ATG4A: variants seen among roughly 807,000 people sequenced by gnomAD.
The protein encoded by ATG4A is autophagy related 4A cysteine peptidase.
Under a neutral mutation model 38.4 loss-of-function variants are expected in ATG4A, and 22 were observed. The observed-to-expected ratio is 0.57, with a 90% CI of 0.41 to 0.82. The LOEUF (loss-of-function observed/expected upper bound fraction) is 0.82. Among genes scored for constraint, ATG4A ranks in the 40% least tolerant of loss-of-function variants. The pLI is 0.00. For missense variants in ATG4A, 220 were observed against 290.0 expected, an observed-to-expected ratio of 0.76 and a Z score of 1.75; for synonymous variants, 86 against 100.7, an observed-to-expected ratio of 0.85 and a Z score of 0.88.
At chrX:108,141,087 T>C (rs1435822333) in intron 9 of ATG4A, among the ~76,000 whole-genome samples, 1 of 78,130 alleles carries the variant, frequency 1.3e-5, no homozygotes, top group Non-Finnish European at 2.4e-5. Flanking sequence ...TATATATATA[T>C]ATATATATAT....
At chrX:108,144,522 G>A (rs112277313) in intron 9 of ATG4A, among the ~76,000 whole-genome samples, 133 of 111,989 alleles carry the variant, frequency 1.2e-3, no homozygotes, top group African/African-American at 3.9e-3. Context: ...TGCTGAACCC[G>A]TGTGTAACCT....
intron 1 of ATG4A, among the ~76,000 whole-genome samples, chrX:108,113,994 A>G (rs1423716929): frequency 2.7e-5 from 3 of 112,170 alleles, no homozygotes; most frequent in Non-Finnish European, 5.6e-5. Context: ...CTAGAGATGC[A>G]TCTAAAAGTT....
At chrX:108,092,004 G>C (rs1004548170) in intron 1 of ATG4A, 168 bp downstream of exon 1, 170 of 876,300 alleles carry the variant, frequency 1.9e-4, no homozygotes, top group Non-Finnish European at 2.5e-4. Context: ...AGGCGGAAGG[G>C]ACAAGGGTTG....
At chrX:108,097,815 A>G (rs754295988) in intron 1 of ATG4A, among the ~76,000 whole-genome samples, 2 of 112,274 alleles carry the variant, frequency 1.8e-5, no homozygotes, top group South Asian at 7.4e-4. Context: ...AGCACTTACT[A>G]AATAAGGTTC....
chrX:108,101,059 T>G (rs12009845), intron 1 of ATG4A, among the ~76,000 whole-genome samples: 44,108 of 109,559 alleles, frequency 0.4, 6,975 homozygotes, highest in Non-Finnish European at 0.47. Flanking sequence ...TTTTTGAGTT[T>G]TAAAATTATA....
At chrX:108,095,418 C>G (rs1306053028) in intron 1 of ATG4A, among the ~76,000 whole-genome samples, 1 of 111,356 alleles carries the variant, frequency 9.0e-6, no homozygotes, top group Non-Finnish European at 1.9e-5. Flanking sequence ...GATACAGGGT[C>G]TCACTATGTT....
intron 9 of ATG4A, among the ~76,000 whole-genome samples, chrX:108,148,521 C>T (rs1229856279): frequency 1.0e-5 from 1 of 98,637 alleles, no homozygotes. Flanking sequence ...TGCACATACA[C>T]ACACACACAC....
chrX:108,131,531 AG>A (rs2032954308), intron 4 of ATG4A, among the ~76,000 whole-genome samples, 173 bp downstream of exon 4: 2 of 112,221 alleles, frequency 1.8e-5, no homozygotes, highest in Admixed American at 1.9e-4. Context: ...GCCCCTCATA[AG>A]AAGGAAACAG....
chrX:108,091,291 G>A, upstream of ATG4A: 1 of 659,625 alleles, frequency 1.5e-6, no homozygotes, highest in Non-Finnish European at 2.4e-6. Context: ...GCTTGGGGCG[G>A]CGGGGGCGGG....
chrX:108,141,076 A>ATACG (rs1215465978), intron 9 of ATG4A, among the ~76,000 whole-genome samples: 1 of 29,551 alleles, frequency 3.4e-5, no homozygotes, highest in Admixed American at 6.8e-4. Flanking sequence ...ATATACATAT[A>ATACG]TATATATATA....
intron 9 of ATG4A, among the ~76,000 whole-genome samples, chrX:108,144,026 A>G (rs1602672598): frequency 8.9e-6 from 1 of 112,605 alleles, no homozygotes; most frequent in African/African-American, 3.2e-5. Context: ...AGTGAATTCC[A>G]TGAGAATGAG....
intron 1 of ATG4A, among the ~76,000 whole-genome samples, chrX:108,105,531 CTA>C (rs1451306724): frequency 1.8e-5 from 2 of 111,069 alleles, no homozygotes; most frequent in African/African-American, 6.6e-5. Context: ...GAGACCTATA[CTA>C]GTACCTTAGG....
chrX:108,130,627 T>A (rs2032929363), intron 3 of ATG4A, among the ~76,000 whole-genome samples: 1 of 112,213 alleles, frequency 8.9e-6, no homozygotes, highest in Non-Finnish European at 1.9e-5. Flanking sequence ...CCACTGATAG[T>A]AGGCAGAGTA....
rs1569310436 is a variant in ATG4A at position 108,138,180 on chromosome X, T to C, written c.803T>C (p.Ile268Thr). The C allele has an allele frequency of 8.3e-6, 10 of 1,207,180 alleles. No individual in the cohort carries two copies. The highest frequency in any genetic ancestry group is 2.3e-4 in the Middle Eastern group (1 of 4,337). The change falls in exon 9 of 13, where the codon ATA (isoleucine) becomes ACA (threonine). Residue 268 changes from isoleucine to threonine, a missense_variant. Coordinates refer to ENST00000372232, the MANE Select transcript of ATG4A (RefSeq NM_052936.5). ...GGKPNNAYYF[I>T]GFLGDELIFL... ...AAACCAAATAACGCGTATTATTTCA[T>C]AGGATTCTTAGGTAAGAAAGGAGGA... is the stretch of plus-strand genomic sequence containing the variant.
At chrX:108,109,469 C>T (rs938638374) in intron 1 of ATG4A, among the ~76,000 whole-genome samples, 16 of 112,041 alleles carry the variant, frequency 1.4e-4, no homozygotes, top group Admixed American at 1.4e-3. Context: ...CACAAAAGAT[C>T]TTAAGTTTGA....
intron 2 of ATG4A, among the ~76,000 whole-genome samples, chrX:108,127,606 A>G: frequency 8.9e-6 from 1 of 111,903 alleles, no homozygotes; most frequent in Admixed American, 9.5e-5. Flanking sequence ...ACTCTTAACC[A>G]TTATACATCT....
chrX:108,128,394 G>A (rs2032858376), intron 2 of ATG4A, among the ~76,000 whole-genome samples: 1 of 111,518 alleles, frequency 9.0e-6, no homozygotes, highest in Non-Finnish European at 1.9e-5. Context: ...AGGGATGATG[G>A]GTGCTGATGC....
intron 3 of ATG4A, among the ~76,000 whole-genome samples, chrX:108,130,761 T>C (rs2032932972): frequency 8.9e-6 from 1 of 111,935 alleles, no homozygotes; most frequent in Non-Finnish European, 1.9e-5. Context: ...CAGATCTTCA[T>C]AGTGTATATT....
At chrX:108,126,332 A>C (rs1339503541) in intron 2 of ATG4A, 145 bp downstream of exon 2, 4 of 475,029 alleles carry the variant, frequency 8.4e-6, no homozygotes, top group Admixed American at 4.0e-5. Context: ...CTTGTAGTCA[A>C]AGGAGCTTAA....
Sources: allele counts gnomAD v4.1 joint callset (sites outside exome capture counted in the v4.1 genomes callset), GRCh38; gene constraint gnomAD v4.1.1; transcripts MANE v1.5; gene names NCBI Gene and HGNC (gene_info 2026-07-23, HGNC 2026-07-21).